ACSM6: variants seen among roughly 807,000 people sequenced by gnomAD.
ACSM6 encodes the protein acyl-coenzyme A synthetase ACSM6, mitochondrial.
In ACSM6, 35 loss-of-function variants were observed where a neutral mutation model predicts 51.1. The observed-to-expected ratio is 0.69, with a 90% confidence interval of 0.52 to 0.91. The LOEUF is 0.91. Among genes scored for constraint, ACSM6 ranks in the 40% least tolerant of loss-of-function variants. The probability of loss-of-function intolerance (pLI) is 0.00; values close to 1 mark genes in which losing one functional copy is unlikely to be tolerated. For missense variants in ACSM6, 509 were observed against 584.1 expected (o/e 0.87, Z 1.32); for synonymous variants, 172 against 207.3 (o/e 0.83, Z 1.46).
At chr10:95,198,581 G>A (rs927710396) in intron 2 of ACSM6, among the ~76,000 whole-genome samples, 9 of 151,898 alleles carry the variant, frequency 5.9e-5, no homozygotes, top group African/African-American at 2.2e-4. Flanking sequence ...AACCCGGGAG[G>A]CAGAGGTTGC....
rs533243005 is a variant in ACSM6 at position 95,206,190 on chromosome 10, A to G, written c.404-1018A>G. Among the ~76,000 whole-genome samples the G allele has an allele frequency of 4.6e-5, 7 of 152,288 alleles. No homozygotes were observed. The South Asian group carries it at 1.4e-3, about 32-fold the overall frequency. ...CGCTCTCTGCAAAACCTGGCAACCA[A>G]TAATCTACTTCCTATCTTTGGATTT... is the stretch of plus-strand genomic sequence containing the variant. On this transcript the variant is annotated intron_variant, in intron 3 of 10. Coordinates refer to ENST00000341686, the Ensembl canonical transcript of ACSM6.
At chr10:95,202,175 G>A (rs1411194786) in exon 3 of ACSM6, 1 of 1,552,204 alleles carries the variant, frequency 6.4e-7, no homozygotes, top group Non-Finnish European at 8.7e-7. Context: ...TACTGGATCT[G>A]CCTGGCCTGT....
At chr10:95,199,039 C>G (rs2034764501) in intron 2 of ACSM6, among the ~76,000 whole-genome samples, 1 of 152,014 alleles carries the variant, frequency 6.6e-6, no homozygotes, top group Non-Finnish European at 1.5e-5. Flanking sequence ...GCCTGCATTG[C>G]CAAGTCAATC....
intron 9 of ACSM6, among the ~76,000 whole-genome samples, chr10:95,221,293 A>G (rs1204951816): frequency 6.6e-6 from 1 of 152,240 alleles, no homozygotes; most frequent in Non-Finnish European, 1.5e-5. Context: ...ATGAATAATT[A>G]TATGTCAACA....
At chr10:95,196,681 T>C (rs577102312) in intron 2 of ACSM6, among the ~76,000 whole-genome samples, 3 of 152,378 alleles carry the variant, frequency 2.0e-5, no homozygotes, top group African/African-American at 7.2e-5. Flanking sequence ...TGTTACTTGC[T>C]GTTTTTCTCC....
chr10:95,210,573 T>C (rs984689313), intron 4 of ACSM6, 77 bp from the exon 5 acceptor site: 3 of 1,415,400 alleles, frequency 2.1e-6, no homozygotes, highest in Non-Finnish European at 2.8e-6. Flanking sequence ...AATCAGAGAT[T>C]ACCAAACCCA....
At chr10:95,214,724 C>A in intron 7 of ACSM6, 128 bp from the exon 8 acceptor site, 1 of 1,071,702 alleles carries the variant, frequency 9.3e-7, no homozygotes, top group Non-Finnish European at 1.3e-6. Context: ...TTAAGAACAT[C>A]AACCACCACT....
intron 3 of ACSM6, among the ~76,000 whole-genome samples, chr10:95,202,828 A>T (rs2034807839): frequency 6.6e-6 from 1 of 151,106 alleles, no homozygotes; most frequent in African/African-American, 2.4e-5. Flanking sequence ...TAGTCCAGCT[A>T]TTCAGGAGGC....
chr10:95,211,032 G>A (rs2034888241), intron 5 of ACSM6, among the ~76,000 whole-genome samples: 2 of 152,172 alleles, frequency 1.3e-5, no homozygotes, highest in South Asian at 4.1e-4. Flanking sequence ...CAGTAGGTGA[G>A]GGATCCAGGA....
At chr10:95,218,279 T>C (rs2034964578) in intron 8 of ACSM6, among the ~76,000 whole-genome samples, 1 of 152,236 alleles carries the variant, frequency 6.6e-6, no homozygotes, top group Non-Finnish European at 1.5e-5. Context: ...TTAATTGTAA[T>C]GTACTGGCAA....
chr10:95,194,540 G>A (rs1308471903), exon 2 of ACSM6: 1 of 1,551,674 alleles, frequency 6.4e-7, no homozygotes, highest in Non-Finnish European at 8.7e-7. Flanking sequence ...ACTGGGATTT[G>A]AAGCCTGCTG....
At chr10:95,228,437 CAA>C (rs34317527) in intron 10 of ACSM6, 14,860 of 403,036 alleles carry the variant, frequency 0.037, no homozygotes, top group Middle Eastern at 0.061. Context: ...CTAGCTGGGA[CAA>C]AAAAAAAAAA....
chr10:95,197,771 T>TGTGAGGG (rs1474021799), intron 2 of ACSM6, among the ~76,000 whole-genome samples: 1 of 152,180 alleles, frequency 6.6e-6, no homozygotes, highest in Non-Finnish European at 1.5e-5. Context: ...CACAGACCCT[T>TGTGAGGG]TACGGGTGTC....
rs2035065350 is a variant in ACSM6, at chr10:95,228,731, T to C, written c.1390T>C (p.Trp464Arg). ...GATCATGGATGAAGACGGCTACTTC[T>C]GGTGGTCTGGTAGAGTTGATGATGT... is the stretch of plus-strand genomic sequence containing the variant. Residue 464 changes from tryptophan to arginine, a missense_variant, in exon 11 of 11, where the codon TGG (tryptophan) becomes CGG (arginine). Physicochemically the swap from Trp to Arg is moderately radical, Grantham distance 101 (BLOSUM62 -3). Transcript: ENST00000341686. 1 of 1,551,800 alleles carries C rather than the reference T, an allele frequency of 6.4e-7. No individual in the cohort carries two copies. The highest frequency in any genetic ancestry group is 1.2e-5 in the South Asian group (1 of 84,050).
intron 2 of ACSM6, among the ~76,000 whole-genome samples, chr10:95,199,374 G>A (rs1215829191): frequency 2.0e-5 from 3 of 152,168 alleles, no homozygotes; most frequent in African/African-American, 7.2e-5. Context: ...AGACTTAAAT[G>A]TTAGACCTAA....
intron 3 of ACSM6, among the ~76,000 whole-genome samples, chr10:95,203,485 C>A (rs1180495630): frequency 6.6e-6 from 1 of 152,164 alleles, no homozygotes; most frequent in African/African-American, 2.4e-5. Flanking sequence ...GGGACCACTG[C>A]TCTTCATCCA....
chr10:95,194,469 T>C, exon 2 of ACSM6: 3 of 1,550,740 alleles, frequency 1.9e-6, no homozygotes, highest in Non-Finnish European at 2.6e-6. Flanking sequence ...ACCTAGGTGG[T>C]TCCCTGTCTG....
chr10:95,203,779 C>T (rs1020423269), intron 3 of ACSM6, among the ~76,000 whole-genome samples: 1 of 150,940 alleles, frequency 6.6e-6, no homozygotes, highest in Non-Finnish European at 1.5e-5. Flanking sequence ...AAACAAAGTA[C>T]CCCTGAGATG....
chr10:95,224,016 C>CA (rs973463833), intron 9 of ACSM6, among the ~76,000 whole-genome samples: 3 of 151,942 alleles, frequency 2.0e-5, no homozygotes, highest in African/African-American at 7.3e-5. Context: ...AATAAACAAT[C>CA]AAAAAATAAA....
Sources: gnomAD v4.1 joint callset for allele counts (sites outside exome capture counted in the v4.1 genomes callset) on GRCh38, gnomAD v4.1.1 for gene constraint, MANE v1.5 for transcripts, NCBI Gene and HGNC (gene_info 2026-07-23, HGNC 2026-07-21) for gene names.